Variants in CEP78 observed in about 807,000 individuals in gnomAD.
The protein encoded by CEP78 is centrosomal protein of 78 kDa.
Under a neutral mutation model 81.2 loss-of-function variants are expected in CEP78, and 76 were observed. The ratio of observed to expected loss-of-function variants is 0.94; its 90% CI spans 0.78 to 1.13. CEP78 has a LOEUF of 1.13. CEP78 is among the 50% of genes most tolerant of loss of function. The pLI is 0.00. For missense variants in CEP78, 918 were observed against 846.8 expected (o/e 1.08, Z -1.04); for synonymous variants, 293 against 301.4 (o/e 0.97, Z 0.29).
intron 1 of CEP78, among the ~76,000 whole-genome samples, chr9:78,237,472 G>A (rs893722884): frequency 6.6e-6 from 1 of 152,192 alleles, no homozygotes; most frequent in Non-Finnish European, 1.5e-5. Context: ...CATAATGGAG[G>A]CAGCTTCCTA....
At chr9:78,265,991 G>C in intron 15 of CEP78, 85 bp downstream of exon 15, 1 of 707,418 alleles carries the variant, frequency 1.4e-6, no homozygotes, top group South Asian at 1.7e-5. Flanking sequence ...CTAGTTATGG[G>C]AATGGGAGGG....
intron 5 of CEP78, among the ~76,000 whole-genome samples, chr9:78,245,314 G>A (rs1266385495): frequency 6.6e-6 from 1 of 152,136 alleles, no homozygotes; most frequent in African/African-American, 2.4e-5. Flanking sequence ...CCAGATGCCA[G>A]TAGATAGGTG....
intron 10 of CEP78, chr9:78,253,535 A>T: frequency 2.6e-6 from 1 of 384,228 alleles, no homozygotes; most frequent in South Asian, 5.6e-5. Flanking sequence ...GCCTCCAGCA[A>T]AACAAATTTG....
At chr9:78,265,640 C>A (rs188962180) in intron 14 of CEP78, 97 bp downstream of exon 14, 1 of 1,164,270 alleles carries the variant, frequency 8.6e-7, no homozygotes, top group Non-Finnish European at 1.2e-6. Flanking sequence ...TGTGCACATG[C>A]TCAGGGACCA....
rs1332071317 is a variant in CEP78 at position 78,272,299 on chromosome 9, T to G, written c.*1448T>G. On this transcript the variant is annotated 3_prime_UTR_variant, in exon 17 of 17. Coordinates refer to ENST00000643273, the MANE Select transcript of CEP78 (RefSeq NM_001330691.3). ...CCTTGGCCTCCCAAAGTGCTGAGAC[T>G]ACAGACCTGAGCCACTGTGCCCAGC... 2 of 152,372 alleles carry G rather than the reference T, an allele frequency of 1.3e-5. No individual in the cohort carries two copies. The highest frequency in any genetic ancestry group is 4.8e-5 in the African/African-American group (2 of 41,450). 9.4% of individuals were successfully genotyped at this position (152,372 alleles called of 1,614,324 possible).
intron 5 of CEP78, among the ~76,000 whole-genome samples, chr9:78,244,300 C>A (rs536777973): frequency 2.3e-4 from 35 of 152,046 alleles, no homozygotes; most frequent in African/African-American, 8.2e-4. Context: ...CCATGCCAGG[C>A]TAATTTTTGT....
chr9:78,260,723 A>G (rs1011446258), intron 11 of CEP78, among the ~76,000 whole-genome samples: 5 of 151,664 alleles, frequency 3.3e-5, no homozygotes, highest in African/African-American at 9.7e-5. Context: ...AAAAAAAAAA[A>G]AAGTCAGAGT....
chr9:78,249,991 A>G (rs1444549458), intron 8 of CEP78: 1 of 310,210 alleles, frequency 3.2e-6, no homozygotes, highest in African/African-American at 2.1e-5. Flanking sequence ...ATATCACTTG[A>G]CTTAATATCA....
At chr9:78,237,505 A>G (rs1023345864) in intron 1 of CEP78, among the ~76,000 whole-genome samples, 3 of 152,154 alleles carry the variant, frequency 2.0e-5, no homozygotes, top group African/African-American at 7.2e-5. Flanking sequence ...AGGTAACAGG[A>G]AGGAACAGTT....
chr9:78,268,073 T>G (rs1414229687), intron 16 of CEP78, among the ~76,000 whole-genome samples: 1 of 152,048 alleles, frequency 6.6e-6, no homozygotes, highest in Non-Finnish European at 1.5e-5. Context: ...TACCGTATAT[T>G]ACATTCTATG....
intron 13 of CEP78, 94 bp downstream of exon 13, chr9:78,264,410 A>C: frequency 1.1e-6 from 1 of 934,480 alleles, no homozygotes; most frequent in Non-Finnish European, 1.6e-6. Flanking sequence ...TTCTGAAGTC[A>C]TATTTACTGT....
At chr9:78,242,920 G>A (rs1826301769) in intron 4 of CEP78, among the ~76,000 whole-genome samples, 1 of 152,094 alleles carries the variant, frequency 6.6e-6, no homozygotes, top group Admixed American at 6.5e-5. Flanking sequence ...CCTTGGGTTA[G>A]GAGAAGAAAA....
intron 16 of CEP78, among the ~76,000 whole-genome samples, chr9:78,269,319 G>A (rs1419146775): frequency 6.6e-6 from 1 of 152,172 alleles, no homozygotes; most frequent in Non-Finnish European, 1.5e-5. Context: ...ATGGGATAAA[G>A]AACTGCTTTG....
chr9:78,248,977 C>G (rs1447997675), intron 8 of CEP78, 104 bp downstream of exon 8: 2 of 515,462 alleles, frequency 3.9e-6, no homozygotes, highest in Non-Finnish European at 3.5e-6. Flanking sequence ...CCAATATTGA[C>G]TCCGTGCATA....
rs1564002545 is a variant in CEP78, at chr9:78,271,480, AT to A, written c.*630del. 6.6e-6 allele frequency: 1 copy of A among 152,208 alleles called. No individual in the cohort carries two copies. Among genetic ancestry groups the A allele is most frequent in the African/African-American group, 2.4e-5 (1 of 41,434 alleles). The allele number at this position is 152,208 out of a possible 1,614,324, so 9.4% of individuals were successfully genotyped here. Reference sequence around the variant, plus strand: ...TAAAGAATAGGATGCCATGAAAAAAATATTTAGAGTTTCTGGAAATTAAAAA... The same window carrying A: ...TAAAGAATAGGATGCCATGAAAAAAAATTTAGAGTTTCTGGAAATTAAAAA... On this transcript the variant is annotated 3_prime_UTR_variant, in exon 17 of 17. Coordinates refer to ENST00000643273, the MANE Select transcript of CEP78 (RefSeq NM_001330691.3).
chr9:78,260,686 G>A (rs1021690597), intron 11 of CEP78, among the ~76,000 whole-genome samples: 2 of 139,438 alleles, frequency 1.4e-5, no homozygotes, highest in East Asian at 2.1e-4. Flanking sequence ...CAGCCTAGGC[G>A]ACAGAGCGAG....
intron 11 of CEP78, among the ~76,000 whole-genome samples, chr9:78,259,336 GAGA>G (rs1158615082): frequency 6.6e-6 from 1 of 152,190 alleles, no homozygotes; most frequent in Admixed American, 6.5e-5. Context: ...TTAATTCTGG[GAGA>G]AGGAGAGGGG....
At chr9:78,239,934 C>A in intron 1 of CEP78, 89 bp from the exon 2 acceptor site, 2 of 1,136,794 alleles carry the variant, frequency 1.8e-6, no homozygotes, top group Non-Finnish European at 2.5e-6. Context: ...AAGGACATGG[C>A]TCATTTCTAT....
chr9:78,236,115 C>T lies in CEP78; in HGVS notation c.-236C>T, dbSNP rs908406669. 9.4e-6 allele frequency: 5 copies of T among 533,336 alleles called. No individual in the cohort carries two copies. Among genetic ancestry groups the T allele is most frequent in the Admixed American group, 3.8e-5 (1 of 26,412 alleles). 33.0% of individuals were successfully genotyped at this position (533,336 alleles called of 1,614,324 possible). ...GCCTCAGAGGACTATGAGGCGGGCG[C>T]CAACTGCTTGGGCCGCAGGGCGGGA... On this transcript the variant is annotated 5_prime_UTR_variant, in exon 1 of 17. Coordinates refer to ENST00000643273, the MANE Select transcript of CEP78 (RefSeq NM_001330691.3).
Sources: gnomAD v4.1 joint callset for allele counts (sites outside exome capture counted in the v4.1 genomes callset) on GRCh38, gnomAD v4.1.1 for gene constraint, MANE v1.5 for transcripts, NCBI Gene and HGNC (gene_info 2026-07-23, HGNC 2026-07-21) for gene names.